CUX2: variants seen among roughly 807,000 people sequenced by gnomAD.
The protein encoded by CUX2 is cut like homeobox 2, also known as homeobox protein cut-like 2.
In CUX2, 40 loss-of-function variants were observed where a neutral mutation model predicts 144.8. The observed-to-expected ratio is 0.28, with a 90% CI of 0.21 to 0.36. CUX2 has a LOEUF of 0.36. Ranked by LOEUF, CUX2 falls within the 10% of genes least tolerant of loss-of-function variation. CUX2 has a pLI of 1.00. For synonymous variants in CUX2, 827 were observed against 875.6 expected (o/e 0.94, Z 0.98); for missense variants, 1,615 against 1,994.0 (o/e 0.81, Z 3.62).
intron 4 of CUX2, among the ~76,000 whole-genome samples, chr12:111,267,669 A>G (rs535562825): frequency 6.6e-6 from 1 of 152,346 alleles, no homozygotes; most frequent in African/African-American, 2.4e-5. Flanking sequence ...CAAGGTGTCA[A>G]CAGGGCTATA....
chr12:111,189,497 T>C (rs992350902), intron 1 of CUX2, among the ~76,000 whole-genome samples: 1 of 152,254 alleles, frequency 6.6e-6, no homozygotes, highest in Non-Finnish European at 1.5e-5. Flanking sequence ...TTGTAAGATT[T>C]ATCAATATTG....
intron 1 of CUX2, among the ~76,000 whole-genome samples, chr12:111,153,743 T>G (rs1037837751): frequency 5.3e-5 from 8 of 152,182 alleles, no homozygotes; most frequent in African/African-American, 1.4e-4. Flanking sequence ...TGGCATCACT[T>G]ACTACTGATG....
chr12:111,091,070 G>T (rs933869109), intron 1 of CUX2, among the ~76,000 whole-genome samples: 4 of 152,122 alleles, frequency 2.6e-5, no homozygotes, highest in Non-Finnish European at 4.4e-5. Flanking sequence ...CACTACATGG[G>T]ACCTTGAGCC....
chr12:111,177,547 C>T (rs1037869612), intron 1 of CUX2, among the ~76,000 whole-genome samples: 12 of 152,144 alleles, frequency 7.9e-5, no homozygotes, highest in Admixed American at 5.9e-4. Flanking sequence ...CGCGCCACCA[C>T]GCCTGGCTAA....
chr12:111,047,187 C>T (rs897409549), intron 1 of CUX2, among the ~76,000 whole-genome samples: 1 of 152,172 alleles, frequency 6.6e-6, no homozygotes, highest in East Asian at 1.9e-4. Context: ...CTGCATTCCG[C>T]GAGATGGAAT....
chr12:111,303,586 C>T (rs886752662), intron 9 of CUX2, among the ~76,000 whole-genome samples: 4 of 148,666 alleles, frequency 2.7e-5, no homozygotes, highest in South Asian at 2.1e-4. Flanking sequence ...CAGTGAGCCA[C>T]GATTGTGCCA....
In CUX2 at chr12:111,310,430, G is replaced by C. The variant is rs778960645; in HGVS notation, c.1648G>C (p.Glu550Gln). 1.2e-6 allele frequency: 2 copies of C among 1,612,556 alleles called. No individual in the cohort carries two copies. The highest frequency in any genetic ancestry group is 2.7e-5 in the African/African-American group (2 of 74,944). Reference sequence around the variant, plus strand: ...CGGAGCGGCGGGGCCCGGGGCAGAGGAGGAGCAGCTGGACACGGCAGAGAT... The same window carrying C: ...CGGAGCGGCGGGGCCCGGGGCAGAGCAGGAGCAGCTGGACACGGCAGAGAT... ...GGGAAGPGAE[E>Q]EQLDTAEIAF... Residue 550 changes from glutamate (E) to glutamine (Q), a missense_variant, in exon 15 of 22, where the codon GAG becomes CAG. Physicochemically the swap from Glu to Gln is conservative, Grantham distance 29. Transcript: ENST00000261726. The surrounding 1 kb of genome is among the most constrained non-coding windows in gnomAD (Gnocchi z 7.9).
rs1869318314 is a variant in CUX2 at position 111,034,525 on chromosome 12, G to A, written c.63+285G>A. Among the ~76,000 whole-genome samples, 1 of 151,698 alleles carries A rather than the reference G, an allele frequency of 6.6e-6. No individual in the cohort carries two copies. Among genetic ancestry groups the A allele is most frequent in the Non-Finnish European group, 1.5e-5 (1 of 67,870 alleles). Reference sequence around the variant, plus strand: ...GCCGAGCGGCCAGGCGGCCGGGCGAGGAGCGGGGAAGGCAGGGGCTACGGC... The same window carrying A: ...GCCGAGCGGCCAGGCGGCCGGGCGAAGAGCGGGGAAGGCAGGGGCTACGGC... On this transcript the variant is annotated intron_variant, in intron 1 of 21. Coordinates refer to ENST00000261726, the MANE Select transcript of CUX2 (RefSeq NM_015267.4). The surrounding 1 kb of genome is among the most constrained non-coding windows in gnomAD (Gnocchi z 4.2).
At chr12:111,116,796 T>A (rs1874331266) in intron 1 of CUX2, among the ~76,000 whole-genome samples, 1 of 152,198 alleles carries the variant, frequency 6.6e-6, no homozygotes, top group African/African-American at 2.4e-5. Flanking sequence ...AAAATCTAAC[T>A]TTATCACAAC....
In CUX2 at chr12:111,295,900, T is replaced by C. The variant is rs561826184; in HGVS notation, c.637+491T>C. Among the ~76,000 whole-genome samples, 75 of 152,220 alleles carry C rather than the reference T, an allele frequency of 4.9e-4. 1 individual carries two copies. Among genetic ancestry groups the C allele is most frequent in the African/African-American group, 1.8e-3 (73 of 41,514 alleles). On this transcript the variant is annotated intron_variant, in intron 7 of 21. Transcript: ENST00000261726. The surrounding 1 kb of genome is among the most constrained non-coding windows in gnomAD (Gnocchi z 5.0). ...AGGCCTCATCTAAAGAGACAGCCACTGCTTAGTACCAGCCAGGCGCTACCA... is the reference window on the plus strand; with the variant it reads ...AGGCCTCATCTAAAGAGACAGCCACCGCTTAGTACCAGCCAGGCGCTACCA...
chr12:111,181,474 G>A lies in CUX2; in HGVS notation c.64-32726G>A, dbSNP rs114481092. Among the ~76,000 whole-genome samples the A allele has an allele frequency of 7.4e-3, 1,122 of 152,318 alleles. 19 individuals carry two copies. Among genetic ancestry groups the A allele is most frequent in the African/African-American group, 0.025 (1,056 of 41,564 alleles). On this transcript the variant is annotated intron_variant, in intron 1 of 21. Transcript: ENST00000261726. ...ATTGATCAATACCCTCAAATTTGGC[G>A]TCTGAGAAGCTGCACTAATCTTTAA...
chr12:111,180,233 T>C (rs1879085460), intron 1 of CUX2, among the ~76,000 whole-genome samples: 1 of 152,088 alleles, frequency 6.6e-6, no homozygotes, highest in African/African-American at 2.4e-5. Flanking sequence ...GGTGTTCCTC[T>C]CTACAGTCTC....
chr12:111,109,464 T>A (rs1873807608), intron 1 of CUX2, among the ~76,000 whole-genome samples: 1 of 152,176 alleles, frequency 6.6e-6, no homozygotes, highest in Non-Finnish European at 1.5e-5. Context: ...GACTGTCCCA[T>A]CTCTGGCATG....
intron 1 of CUX2, among the ~76,000 whole-genome samples, chr12:111,078,100 G>A (rs889255410): frequency 6.6e-6 from 1 of 152,150 alleles, no homozygotes; most frequent in Non-Finnish European, 1.5e-5. Context: ...GAATTTGTAG[G>A]TGGCTAATTG....
At chr12:111,296,605 G>T in intron 8 of CUX2, 66 bp downstream of exon 8, 3 of 1,464,320 alleles carry the variant, frequency 2.0e-6, no homozygotes, top group South Asian at 1.2e-5. Flanking sequence ...TCCTCCTTCT[G>T]ACCCTCCAGT....
chr12:111,334,139 A>G (rs943521910), intron 18 of CUX2, among the ~76,000 whole-genome samples: 4 of 151,604 alleles, frequency 2.6e-5, no homozygotes, highest in African/African-American at 9.7e-5. Flanking sequence ...GTGAGCCGAG[A>G]TCACACCACT....
intron 1 of CUX2, among the ~76,000 whole-genome samples, chr12:111,187,878 A>G (rs1879645789): frequency 6.6e-6 from 1 of 152,224 alleles, no homozygotes; most frequent in South Asian, 2.1e-4. Flanking sequence ...TCTGTTGAAG[A>G]GCCAGGTCCA....
chr12:111,320,003 T>G lies in CUX2; in HGVS notation c.2003-9T>G, dbSNP rs1217707857. ...TGGGCCTCGGGCCGTCCTGTCCCCC[T>G]CCCCGCAGGCGAGCCCAAGACCTCG... On this transcript the variant is annotated splice_polypyrimidine_tract_variant and intron_variant, in intron 16 of 21. Transcript: ENST00000261726. The surrounding 1 kb of genome is among the most constrained non-coding windows in gnomAD (Gnocchi z 8.1). The G allele has an allele frequency of 3.3e-6, 5 of 1,493,238 alleles. No homozygotes were observed. In the East Asian group the frequency reaches 7.7e-5, roughly 23 times the overall value. The allele number at this position is 1,493,238 out of a possible 1,614,324, so 92.5% of individuals were successfully genotyped here.
chr12:111,074,872 C>T (rs961983229), intron 1 of CUX2, among the ~76,000 whole-genome samples: 6 of 152,062 alleles, frequency 3.9e-5, no homozygotes, highest in Admixed American at 6.5e-5. Flanking sequence ...CCGTGCCCCT[C>T]GGGCCCAGGC....
Sources: allele counts gnomAD v4.1 joint callset (sites outside exome capture counted in the v4.1 genomes callset), GRCh38; gene constraint gnomAD v4.1.1; non-coding constraint Gnocchi (gnomAD v3.1); transcripts MANE v1.5; gene names NCBI Gene and HGNC (gene_info 2026-07-23, HGNC 2026-07-21).